The following NEDD4L variants were observed in gnomAD, a reference collection of about 807,000 sequenced individuals.
NEDD4L encodes the protein NEDD4 like E3 ubiquitin protein ligase, also known as E3 ubiquitin-protein ligase NEDD4-like.
Under a neutral mutation model 148.9 loss-of-function variants are expected in NEDD4L, and 54 were observed. The ratio of observed to expected loss-of-function variants is 0.36; its 90% CI spans 0.29 to 0.45. The LOEUF is 0.45. NEDD4L is among the 20% of genes least tolerant of loss of function. The pLI, the probability that NEDD4L is intolerant of heterozygous loss-of-function variation, is 1.00. For missense variants in NEDD4L, 856 were observed against 1,233.8 expected (o/e 0.69, Z 4.59); for synonymous variants, 433 against 440.7 (o/e 0.98, Z 0.22).
chr18:58,257,177 C>T (rs753968728), intron 5 of NEDD4L, among the ~76,000 whole-genome samples: 4 of 152,080 alleles, frequency 2.6e-5, no homozygotes, highest in Non-Finnish European at 5.9e-5. Context: ...TGTGACAATA[C>T]TTTAAAAATA....
chr18:58,379,841 C>G (rs977952486), intron 24 of NEDD4L, among the ~76,000 whole-genome samples: 3 of 151,780 alleles, frequency 2.0e-5, no homozygotes, highest in African/African-American at 7.3e-5. Flanking sequence ...ACGGAGGGCT[C>G]GAGCCGAGAC....
intron 1 of NEDD4L, among the ~76,000 whole-genome samples, chr18:58,050,814 A>C (rs2081835369): frequency 6.6e-6 from 1 of 152,162 alleles, no homozygotes. Flanking sequence ...GGACAGTGAC[A>C]AATGGTGATC....
At chr18:58,070,538 C>T (rs1427666125) in intron 1 of NEDD4L, among the ~76,000 whole-genome samples, 1 of 152,068 alleles carries the variant, frequency 6.6e-6, no homozygotes, top group Admixed American at 6.6e-5. Context: ...CTTCAAAAAG[C>T]TCCAACATAT....
chr18:58,225,018 C>T (rs923568845), intron 2 of NEDD4L, among the ~76,000 whole-genome samples: 1 of 152,190 alleles, frequency 6.6e-6, no homozygotes, highest in Middle Eastern at 3.4e-3. Flanking sequence ...GCCACCCACT[C>T]CAGGTGAGTG....
intron 2 of NEDD4L, among the ~76,000 whole-genome samples, chr18:58,185,889 AAATT>A (rs1410594537): frequency 6.6e-6 from 1 of 152,174 alleles, no homozygotes; most frequent in African/African-American, 2.4e-5. Context: ...AAAAAAATTA[AAATT>A]AAAATTAAAA....
At chr18:58,270,046 A>C (rs2050802414) in intron 5 of NEDD4L, among the ~76,000 whole-genome samples, 1 of 152,190 alleles carries the variant, frequency 6.6e-6, no homozygotes, top group Non-Finnish European at 1.5e-5. Flanking sequence ...GTGGAATTCC[A>C]ATTCTAGCCA....
chr18:58,199,428 T>A (rs1239372896), intron 2 of NEDD4L, among the ~76,000 whole-genome samples: 2 of 152,068 alleles, frequency 1.3e-5, no homozygotes, highest in Non-Finnish European at 2.9e-5. Context: ...CTTTCTACAT[T>A]GCACAGGATG....
chr18:58,339,324 G>A (rs779072867), intron 13 of NEDD4L, among the ~76,000 whole-genome samples: 4 of 152,188 alleles, frequency 2.6e-5, no homozygotes, highest in Admixed American at 1.3e-4. Context: ...AGGAACTTAG[G>A]TTACAACTTA....
intron 5 of NEDD4L, chr18:58,314,418 C>CA (rs34786147): frequency 0.21 from 27,764 of 132,684 alleles, 2,883 homozygotes; most frequent in East Asian, 0.32. Context: ...GACTCTGTCT[C>CA]AAAAAAAAAA....
intron 5 of NEDD4L, among the ~76,000 whole-genome samples, chr18:58,289,222 T>C (rs2054354868): frequency 6.6e-6 from 1 of 152,164 alleles, no homozygotes; most frequent in African/African-American, 2.4e-5. Flanking sequence ...AGATTCAAGA[T>C]TTTTGCTCTA....
intron 19 of NEDD4L, among the ~76,000 whole-genome samples, chr18:58,357,971 C>T (rs191362003): frequency 2.0e-5 from 3 of 152,226 alleles, no homozygotes; most frequent in East Asian, 3.9e-4. Context: ...AGTGGCTATA[C>T]GAGTGCAGGG....
chr18:58,389,996 T>C (rs1300939249), intron 28 of NEDD4L: 1 of 152,156 alleles, frequency 6.6e-6, no homozygotes, highest in Non-Finnish European at 1.5e-5. Context: ...TGCCTTTTAT[T>C]ACTATTTCAA....
At chr18:58,074,078 A>G (rs1477694175) in intron 1 of NEDD4L, among the ~76,000 whole-genome samples, 1 of 152,114 alleles carries the variant, frequency 6.6e-6, no homozygotes, top group Non-Finnish European at 1.5e-5. Context: ...AGGGAGCAGC[A>G]TTGGAGCATC....
chr18:58,145,146 C>T (rs2033969380), intron 1 of NEDD4L, among the ~76,000 whole-genome samples: 2 of 152,152 alleles, frequency 1.3e-5, no homozygotes. Context: ...TGCTTCCCCT[C>T]CCCCTGAGGC....
At chr18:58,302,016 G>A (rs1229519741) in intron 5 of NEDD4L, among the ~76,000 whole-genome samples, 2 of 152,188 alleles carry the variant, frequency 1.3e-5, no homozygotes, top group Admixed American at 6.5e-5. Flanking sequence ...TCAGCATAGT[G>A]AGAGAATGTA....
intron 6 of NEDD4L, among the ~76,000 whole-genome samples, chr18:58,320,438 G>A (rs1157104211): frequency 6.6e-6 from 1 of 152,134 alleles, no homozygotes; most frequent in Non-Finnish European, 1.5e-5. Context: ...TGACATGATG[G>A]CTCTTCCCTT....
intron 5 of NEDD4L, among the ~76,000 whole-genome samples, chr18:58,314,989 G>A (rs1006489321): frequency 6.6e-6 from 1 of 152,210 alleles, no homozygotes. Context: ...AACTAGCAGA[G>A]TAGAAATAAG....
At chr18:58,173,129 G>A (rs8089511) in intron 2 of NEDD4L, among the ~76,000 whole-genome samples, 37,584 of 152,042 alleles carry the variant, frequency 0.25, 5,418 homozygotes, top group East Asian at 0.43. Context: ...CAGTAAGCTG[G>A]AGACATTTAA....
intron 24 of NEDD4L, among the ~76,000 whole-genome samples, chr18:58,378,005 G>T (rs9319926): frequency 2.0e-5 from 3 of 151,982 alleles, no homozygotes; most frequent in African/African-American, 7.3e-5. Flanking sequence ...TCAGCCTCCC[G>T]AAGTGCTGGG....
Sources: allele counts gnomAD v4.1 joint callset (sites outside exome capture counted in the v4.1 genomes callset), GRCh38; gene constraint gnomAD v4.1.1; transcripts MANE v1.5; gene names NCBI Gene and HGNC (gene_info 2026-07-23, HGNC 2026-07-21).